The following WDR62 variants were observed in gnomAD, a reference collection of about 807,000 sequenced individuals.
The protein encoded by WDR62 is WD repeat-containing protein 62.
In WDR62, 112 loss-of-function variants were observed where a neutral mutation model predicts 160.6. That is an observed-to-expected ratio of 0.70 (90% CI 0.60 to 0.82). WDR62 has a LOEUF of 0.82. WDR62 is among the 40% of genes least tolerant of loss of function. The pLI is 0.00. For synonymous variants in WDR62, 792 were observed against 815.1 expected, an observed-to-expected ratio of 0.97 and a Z score of 0.48; for missense variants, 1,819 against 1,983.8, an observed-to-expected ratio of 0.92 and a Z score of 1.58.
At chr19:36,064,772 T>C (rs1191495090) in intron 3 of WDR62, among the ~76,000 whole-genome samples, 1 of 151,236 alleles carries the variant, frequency 6.6e-6, no homozygotes, top group Non-Finnish European at 1.5e-5. Context: ...GAGGTGGGGT[T>C]TTGTCGTGTT....
chr19:36,081,893 C>A, intron 10 of WDR62: 1 of 503,184 alleles, frequency 2.0e-6, no homozygotes, highest in Non-Finnish European at 3.9e-6. Flanking sequence ...ATGGAATTCC[C>A]TGGGAGAGCA....
At chr19:36,067,207 G>C in intron 5 of WDR62, 99 bp from the exon 6 acceptor site, 1 of 1,529,652 alleles carries the variant, frequency 6.5e-7, no homozygotes, top group Non-Finnish European at 9.0e-7. Flanking sequence ...AGACAGACTT[G>C]GAGTGGGGAC....
intron 3 of WDR62, among the ~76,000 whole-genome samples, chr19:36,065,565 G>A (rs912015381): frequency 6.6e-6 from 1 of 152,192 alleles, no homozygotes; most frequent in Non-Finnish European, 1.5e-5. Flanking sequence ...TGTGATGCCT[G>A]CCAGGATCCT....
Position 36,054,923 on chromosome 19 carries a change from C to A in WDR62, c.-49C>A. 1.3e-6 allele frequency: 2 copies of A among 1,546,454 alleles called. No homozygotes were observed. Among genetic ancestry groups the A allele is most frequent in the South Asian group, 1.2e-5 (1 of 84,982 alleles). ...CTGTTCCAGTGGGTCGTGGCGGTGGCGGCAGCGGCGGTTAGGGGATGTAAC... is the reference window on the plus strand; with the variant it reads ...CTGTTCCAGTGGGTCGTGGCGGTGGAGGCAGCGGCGGTTAGGGGATGTAAC... On this transcript the variant is annotated 5_prime_UTR_variant, in exon 1 of 32. Coordinates refer to ENST00000401500, the MANE Select transcript of WDR62 (RefSeq NM_001083961.2).
Position 36,099,424 on chromosome 19 carries a change from G to A in WDR62, c.2546G>A (p.Gly849Asp). 4.3e-6 allele frequency: 7 copies of A among 1,613,654 alleles called. No homozygotes were observed. The highest frequency in any genetic ancestry group is 5.1e-6 in the Non-Finnish European group (6 of 1,180,016). Residue 849 changes from glycine to aspartate, a missense_variant, in exon 22 of 32, where the codon GGC (glycine) becomes GAC (aspartate). Gly to Asp is a moderately conservative substitution (Grantham distance 94). Transcript: ENST00000401500. ...CTAGGGGACGATGATGTGGCAGATGGCTTGGCCTTCCACGCCAAGCGCAGC... is the reference window on the plus strand; with the variant it reads ...CTAGGGGACGATGATGTGGCAGATGACTTGGCCTTCCACGCCAAGCGCAGC... ...RLLGDDDVADGLAFHAKRSYQ... is the reference protein window; with the variant it reads ...RLLGDDDVADDLAFHAKRSYQ...
intron 1 of WDR62, among the ~76,000 whole-genome samples, chr19:36,055,838 G>A (rs1970335489): frequency 6.6e-6 from 1 of 152,164 alleles, no homozygotes; most frequent in Non-Finnish European, 1.5e-5. Flanking sequence ...CAGCTGTGTA[G>A]GCACAAAATC....
chr19:36,065,889 G>C, intron 3 of WDR62, 69 bp from the exon 4 acceptor site: 4 of 1,482,418 alleles, frequency 2.7e-6, no homozygotes, highest in Non-Finnish European at 3.8e-6. Context: ...TCCTATCAGA[G>C]TCGCCAGGAT....
chr19:36,104,889 C>T lies in WDR62; in HGVS notation c.4433C>T (p.Pro1478Leu), dbSNP rs775519650. Reference sequence around the variant, plus strand: ...TGCCTGGTGGGGACTAGTGTGGCCCCAGCCCAGGCTCTGCCCAGCCCAGGA... The same window carrying T: ...TGCCTGGTGGGGACTAGTGTGGCCCTAGCCCAGGCTCTGCCCAGCCCAGGA... ...AECLVGTSVA[P>L]AQALPSPGPP... Residue 1478 changes from proline to leucine, a missense_variant, in exon 32 of 32, where the codon CCA becomes CTA. Coordinates refer to ENST00000401500, the MANE Select transcript of WDR62 (RefSeq NM_001083961.2). The T allele has an allele frequency of 8.1e-6, 13 of 1,611,888 alleles. No individual in the cohort carries two copies. Among genetic ancestry groups the T allele is most frequent in the Non-Finnish European group, 1.1e-5 (13 of 1,179,880 alleles).
chr19:36,102,905 G>A (rs1300574083), intron 27 of WDR62, 43 bp from the exon 28 acceptor site: 1 of 1,614,146 alleles, frequency 6.2e-7, no homozygotes, highest in Admixed American at 1.7e-5. Flanking sequence ...GTGCCCCAGG[G>A]CAGGCTGAAT....
chr19:36,068,449 A>T (rs978768424), intron 7 of WDR62, among the ~76,000 whole-genome samples: 1 of 152,180 alleles, frequency 6.6e-6, no homozygotes, highest in African/African-American at 2.4e-5. Context: ...AGGGAAGGTC[A>T]GCAGACAAAC....
chr19:36,098,263 T>TA lies in WDR62; in HGVS notation c.2521-1123dup, dbSNP rs570573692. 9.7e-3 allele frequency among the ~76,000 whole-genome samples: 1,368 copies of TA among 140,522 alleles called. 23 individuals are homozygous for TA. Among genetic ancestry groups the TA allele is most frequent in the African/African-American group, 0.033 (1,243 of 38,196 alleles). 92.2% of individuals were successfully genotyped at this position (140,522 alleles called of 152,430 possible). A position where few individuals can be genotyped will look rare whatever the true frequency, so the allele number is the denominator to read the frequency against. ...GATGGCAGAACGAGACCTTGTCTCT[T>TA]AAAAAAAAAAAAAGAAAAAGAGACC... is the stretch of plus-strand genomic sequence containing the variant. On this transcript the variant is annotated intron_variant, in intron 21 of 31. Coordinates refer to ENST00000401500, the MANE Select transcript of WDR62 (RefSeq NM_001083961.2).
At chr19:36,058,685 T>C in intron 1 of WDR62, 95 bp from the exon 2 acceptor site, 1 of 903,930 alleles carries the variant, frequency 1.1e-6, no homozygotes, top group Non-Finnish European at 1.8e-6. Context: ...AGTGTGGGTG[T>C]TGAATGTAGC....
At chr19:36,101,874 C>T (rs996729789) in intron 25 of WDR62, 100 bp downstream of exon 25, 1 of 1,522,968 alleles carries the variant, frequency 6.6e-7, no homozygotes, top group Non-Finnish European at 9.0e-7. Context: ...GCCCACTGAG[C>T]CTGGAAGACG....
chr19:36,066,484 C>G (rs1490477144), intron 5 of WDR62, 57 bp downstream of exon 5: 2 of 1,548,442 alleles, frequency 1.3e-6, no homozygotes, highest in African/African-American at 2.7e-5. Context: ...CATCCTATGT[C>G]TTGGGCACAG....
Position 36,055,002 on chromosome 19 carries a change from C to G in WDR62, c.31C>G (p.Arg11Gly). Residue 11 changes from arginine (R) to glycine (G), a missense_variant, in exon 1 of 32, where the codon CGG (arginine) becomes GGG (glycine). Around this residue, in one of 3 missense-constraint regions of WDR62, gnomAD observed 115 missense variants for 92.4 expected, o/e 1.24. Transcript: ENST00000401500. ...GGCCGTAGGGTCCGGAGGCTATGCG[C>G]GGAACGATGCAGGGGAGAAGCTGCC... MAAVGSGGYA[R>G]NDAGEKLPSV... The G allele has an allele frequency of 6.2e-7, 1 of 1,607,368 alleles. No homozygotes were observed. The highest frequency in any genetic ancestry group is 1.1e-5 in the South Asian group (1 of 90,424).
rs1970562363 is a variant in WDR62 at position 36,059,980 on chromosome 19, G to A, written c.282G>A (p.Val94=). The A allele has an allele frequency of 1.2e-6, 2 of 1,614,064 alleles. No homozygotes were observed. The highest frequency in any genetic ancestry group is 1.7e-6 in the Non-Finnish European group (2 of 1,180,046). ...TCTTTCTTCCCAGCTGTGTGGTGGT[G>A]ATTTTGGACCCCAAGGAGAACAAGC... ...HVAYLAGCVV[V]ILDPKENKQQ... Residue 94 remains valine (V), a synonymous_variant, in exon 3 of 32, where the codon GTG becomes GTA. Transcript: ENST00000401500.
At chr19:36,097,304 C>T (rs1047179697) in intron 21 of WDR62, among the ~76,000 whole-genome samples, 3 of 152,264 alleles carry the variant, frequency 2.0e-5, no homozygotes, top group Non-Finnish European at 4.4e-5. Context: ...ACAAAAGTCT[C>T]TCCCTTCACA....
chr19:36,072,769 T>C (rs1971366771), intron 8 of WDR62, among the ~76,000 whole-genome samples: 1 of 152,218 alleles, frequency 6.6e-6, no homozygotes, highest in Non-Finnish European at 1.5e-5. Context: ...TCTGTTGTGC[T>C]CTGTGACCTT....
chr19:36,090,614 A>C, intron 16 of WDR62, 94 bp downstream of exon 16: 1 of 1,179,942 alleles, frequency 8.5e-7, no homozygotes, highest in Admixed American at 1.7e-5. Context: ...GTCCTTCCTC[A>C]GTGCACCGCG....
Sources: gnomAD v4.1 joint callset for allele counts (sites outside exome capture counted in the v4.1 genomes callset) on GRCh38, gnomAD v4.1.1 for gene constraint, gnomAD v4.1.1 regional missense constraint, MANE v1.5 for transcripts, NCBI Gene and HGNC (gene_info 2026-07-23, HGNC 2026-07-21) for gene names.